The following CR2 variants were observed in gnomAD, a reference collection of about 807,000 sequenced individuals.
CR2 encodes the protein complement C3d receptor 2.
CR2 carries 96 observed loss-of-function variants against 123.0 expected under a neutral mutation model. The observed-to-expected ratio is 0.78, with a 90% CI of 0.66 to 0.93. CR2 has a LOEUF of 0.93. CR2 is among the 40% of genes least tolerant of loss of function. The pLI, the probability that CR2 is intolerant of heterozygous loss-of-function variation, is 0.00. For missense variants in CR2, 1,258 were observed against 1,361.0 expected (o/e 0.92, Z 1.19); for synonymous variants, 484 against 469.5 (o/e 1.03, Z -0.40).
intron 14 of CR2, among the ~76,000 whole-genome samples, chr1:207,475,686 A>G (rs1658416969): frequency 6.6e-6 from 1 of 152,218 alleles, no homozygotes; most frequent in Non-Finnish European, 1.5e-5. Context: ...GTCCATGACT[A>G]TCTACAGCAG....
At position 207,489,129 on chromosome 1, in the gene CR2, T is replaced by G. The variant is rs1658823325; in HGVS notation, c.*19-13T>G. The G allele has an allele frequency of 6.6e-6, 1 of 152,332 alleles. No homozygotes were observed. The highest frequency in any genetic ancestry group is 6.5e-5 in the Admixed American group (1 of 15,276). The allele number at this position is 152,332 out of a possible 1,614,324, so 9.4% of individuals were successfully genotyped here. ...ATTCATGCTGCCTCCTAAACAGAAA[T>G]GATCTATTTCAGTGTGCCTCATTGC... is the stretch of plus-strand genomic sequence containing the variant. On this transcript the variant is annotated splice_polypyrimidine_tract_variant and intron_variant, in intron 19 of 19. Transcript: ENST00000367057.
Position 207,475,269 on chromosome 1 carries a change from G to GAGGTT in CR2, c.2716+54_2716+58dup, listed in dbSNP as rs1658405183. The GAGGTT allele has an allele frequency of 1.0e-5, 16 of 1,595,722 alleles. 1 individual carries two copies. The South Asian group carries it at 1.8e-4, about 18-fold the overall frequency. ...GGGATGTTGTACAGAATAAAGAAAA[G>GAGGTT]AGGTTTTGAATCTGCACTTGACATT... On this transcript the variant is annotated intron_variant, in intron 14 of 19. Transcript: ENST00000367057.
chr1:207,474,132 T>C, intron 12 of CR2, 109 bp from the exon 13 acceptor site: 1 of 1,044,116 alleles, frequency 9.6e-7, no homozygotes, highest in Non-Finnish European at 1.5e-6. Flanking sequence ...TTTACTAGAA[T>C]TTCAACTCCT....
chr1:207,457,353 T>G (rs532417944), intron 1 of CR2, among the ~76,000 whole-genome samples: 1 of 152,346 alleles, frequency 6.6e-6, no homozygotes, highest in African/African-American at 2.4e-5. Context: ...TTGCAAGGAC[T>G]TTACTTCTGC....
chr1:207,479,860 G>T, intron 17 of CR2, 118 bp from the exon 18 acceptor site: 1 of 759,884 alleles, frequency 1.3e-6, no homozygotes, highest in Non-Finnish European at 2.4e-6. Context: ...TGTCCAAGAA[G>T]AGTTAAGTAT....
At position 207,466,874 on chromosome 1, in the gene CR2, A is replaced by C. The variant is rs762329677; in HGVS notation, c.407A>C (p.Asn136Thr). 6.2e-7 allele frequency: 1 copy of C among 1,607,062 alleles called. No homozygotes were observed. ...AAGTCTGTTTGGTGTCAAGCAAATA[A>C]TATGTGGGGGCCGACACGACTACCA... ...GNKSVWCQANNMWGPTRLPTC... is the reference protein window; with the variant it reads ...GNKSVWCQANTMWGPTRLPTC... The change falls in exon 2 of 20, where the codon AAT (asparagine) becomes ACT (threonine). Residue 136 changes from asparagine to threonine, a missense_variant. By Grantham distance (65) the Asn-to-Thr change is moderately conservative. Coordinates refer to ENST00000367057, the MANE Select transcript of CR2 (RefSeq NM_001006658.3).
At chr1:207,474,115 G>A in intron 12 of CR2, 126 bp from the exon 13 acceptor site, 1 of 938,508 alleles carries the variant, frequency 1.1e-6, no homozygotes, top group East Asian at 2.4e-5. Context: ...GTAAAAAAAA[G>A]TAGTTTTTTA....
intron 12 of CR2, 86 bp downstream of exon 12, chr1:207,473,971 C>G: frequency 8.1e-7 from 1 of 1,230,060 alleles, no homozygotes; most frequent in Non-Finnish European, 1.2e-6. Flanking sequence ...TGGTGGCATC[C>G]TTTAGAGGCT....
At chr1:207,460,956 T>A (rs1429466695) in intron 1 of CR2, among the ~76,000 whole-genome samples, 2 of 152,170 alleles carry the variant, frequency 1.3e-5, no homozygotes, top group Non-Finnish European at 2.9e-5. Flanking sequence ...AAGATAGTTA[T>A]GTAAATTCAT....
chr1:207,457,813 T>C (rs12140602), intron 1 of CR2, among the ~76,000 whole-genome samples: 2 of 151,952 alleles, frequency 1.3e-5, no homozygotes, highest in Non-Finnish European at 2.9e-5. Context: ...TATTAGAGGG[T>C]CTTGGGGCTC....
rs779734792 is a variant in CR2 at position 207,475,066 on chromosome 1, T to C, written c.2566T>C (p.Tyr856His). 2 of 1,613,352 alleles carry C rather than the reference T, an allele frequency of 1.2e-6. No homozygotes were observed. The highest frequency in any genetic ancestry group is 2.7e-5 in the African/African-American group (2 of 74,880). ...CCCTAATCCAGAAGTCAAACATGGGTACAAGCTCAATAAAACACATTCTGC... is the reference window on the plus strand; with the variant it reads ...CCCTAATCCAGAAGTCAAACATGGGCACAAGCTCAATAAAACACATTCTGC... ...RCPNPEVKHG[Y>H]KLNKTHSAYS... Residue 856 changes from tyrosine (Y) to histidine (H), a missense_variant, in exon 14 of 20, where the codon TAC (tyrosine) becomes CAC (histidine). By Grantham distance (83) the Tyr-to-His change is moderately conservative. Coordinates refer to ENST00000367057, the MANE Select transcript of CR2 (RefSeq NM_001006658.3).
At chr1:207,458,601 A>G (rs1001577471) in intron 1 of CR2, among the ~76,000 whole-genome samples, 4 of 152,134 alleles carry the variant, frequency 2.6e-5, no homozygotes, top group African/African-American at 7.2e-5. Context: ...TGCCTAAAAT[A>G]CTTGTACCCA....
intron 1 of CR2, among the ~76,000 whole-genome samples, chr1:207,458,077 C>CACACACACATACACACACACACAT (rs1553278529): frequency 2.7e-4 from 41 of 150,196 alleles, no homozygotes; most frequent in African/African-American, 7.1e-4. Flanking sequence ...CACACACACA[C>CACACACACATACACACACACACAT]ACACACACAC....
At position 207,489,560 on chromosome 1, in the gene CR2, T is replaced by C. The variant is rs1361368712; in HGVS notation, c.*437T>C. The C allele has an allele frequency of 6.6e-6, 1 of 152,244 alleles. No homozygotes were observed. Among genetic ancestry groups the C allele is most frequent in the Admixed American group, 6.5e-5 (1 of 15,290 alleles). The allele number at this position is 152,244 out of a possible 1,614,324, so 9.4% of individuals were successfully genotyped here. The stretch of plus-strand genomic sequence containing the variant: ...AAGTATGAAGCATTTTCTGGGGTTA[T>C]GATGGCTTTACCTTTATTAGGAAGT... On this transcript the variant is annotated 3_prime_UTR_variant, in exon 20 of 20. Coordinates refer to ENST00000367057, the MANE Select transcript of CR2 (RefSeq NM_001006658.3).
chr1:207,473,874 C>T lies in CR2; in HGVS notation c.2229C>T (p.Ser743=), dbSNP rs1207588109. ...AGSRVELVNT[S]CQDGYQLTGH... ...CACGTGTGGAGCTAGTTAATACGTC[C>T]TGCCAAGATGGGTGAGTATGAAGTG... The change falls in exon 12 of 20, where the codon TCC becomes TCT. Residue 743 remains serine, a synonymous_variant. Transcript: ENST00000367057. 8 of 1,613,666 alleles carry T rather than the reference C, an allele frequency of 5.0e-6. No homozygotes were observed. The highest frequency in any genetic ancestry group is 5.9e-6 in the Non-Finnish European group (7 of 1,179,800).
intron 19 of CR2, among the ~76,000 whole-genome samples, chr1:207,486,162 C>T (rs188664814): frequency 8.3e-5 from 11 of 132,156 alleles, no homozygotes; most frequent in Admixed American, 8.0e-4. Context: ...GCCTAGGAGG[C>T]GGAGGTTGCA....
intron 1 of CR2, among the ~76,000 whole-genome samples, chr1:207,458,755 A>G (rs372237338): frequency 1.3e-5 from 2 of 152,202 alleles, no homozygotes; most frequent in East Asian, 3.9e-4. Context: ...ACATTGTGAC[A>G]TATCACTCTA....
intron 16 of CR2, 68 bp downstream of exon 16, chr1:207,478,138 C>A: frequency 6.6e-7 from 1 of 1,505,042 alleles, no homozygotes; most frequent in Non-Finnish European, 9.1e-7. Context: ...GAGTTTCCCT[C>A]AGCGTGGAGA....
In CR2 at chr1:207,474,815, C is replaced by G. The variant is rs375820268; in HGVS notation, c.2324-9C>G. 5.6e-6 allele frequency: 9 copies of G among 1,613,818 alleles called. No homozygotes were observed. The African/African-American group carries it at 1.2e-4, about 22-fold the overall frequency. ...AGCTGAAGTAGAACTCCCTAAATCT[C>G]TTCTGCAGTTATTCACTGTCACCCT... On this transcript the variant is annotated splice_polypyrimidine_tract_variant and intron_variant, in intron 13 of 19. Coordinates refer to ENST00000367057, the MANE Select transcript of CR2 (RefSeq NM_001006658.3).
Sources: allele counts gnomAD v4.1 joint callset (sites outside exome capture counted in the v4.1 genomes callset), GRCh38; gene constraint gnomAD v4.1.1; transcripts MANE v1.5; gene names NCBI Gene and HGNC (gene_info 2026-07-23, HGNC 2026-07-21).